C1orf54: variants seen among roughly 807,000 people sequenced by gnomAD.
C1orf54 encodes chromosome 1 open reading frame 54, also known as uncharacterized protein C1orf54.
In C1orf54, 12 loss-of-function variants were observed where a neutral mutation model predicts 14.7. That is an observed-to-expected ratio of 0.82 (90% CI 0.52 to 1.32). The LOEUF (loss-of-function observed/expected upper bound fraction) is 1.32, where lower values mean the gene tolerates loss of function less well. C1orf54 is among the 40% of genes most tolerant of loss of function. The pLI, the probability that C1orf54 is intolerant of heterozygous loss-of-function variation, is 0.00. For synonymous variants in C1orf54, 65 were observed against 56.3 expected (o/e 1.16, Z -0.70); for missense variants, 163 against 162.2 (o/e 1.00, Z -0.03).
intron 2 of C1orf54, 106 bp downstream of exon 2, chr1:150,274,276 GA>G: frequency 1.2e-6 from 1 of 833,822 alleles, no homozygotes; most frequent in African/African-American, 1.7e-5. Flanking sequence ...TGGGGTCAGA[GA>G]AAAATCTGGC....
Position 150,279,743 on chromosome 1 carries a change from T to TA in C1orf54, c.*3+4dup. On this transcript the variant is annotated splice_region_variant and intron_variant, in intron 5 of 5. Coordinates refer to ENST00000369099, the MANE Select transcript of C1orf54 (RefSeq NM_024579.4). ...GTGGGGATGTATTTCATGTAGAAGGTAAGAGTGCAGCCACTGGCTTTGGGG... is the reference window on the plus strand; with the variant it reads ...GTGGGGATGTATTTCATGTAGAAGGTAAAGAGTGCAGCCACTGGCTTTGGGG... 2 of 1,607,996 alleles carry TA rather than the reference T, an allele frequency of 1.2e-6. No individual in the cohort carries two copies. Among genetic ancestry groups the TA allele is most frequent in the Non-Finnish European group, 8.5e-7 (1 of 1,175,886 alleles).
chr1:150,275,580 A>G (rs1652583570), intron 2 of C1orf54, among the ~76,000 whole-genome samples, 161 bp from the exon 3 acceptor site: 1 of 152,146 alleles, frequency 6.6e-6, no homozygotes, highest in Admixed American at 6.5e-5. Flanking sequence ...AAATGCATAC[A>G]CATTCACAGT....
At chr1:150,268,861 G>A, upstream of C1orf54, 1 of 1,523,936 alleles carries the variant, frequency 6.6e-7, no homozygotes, top group Non-Finnish European at 9.0e-7. Flanking sequence ...CAGGCAAATG[G>A]GAGGGGCGCG....
Position 150,272,875 on chromosome 1 carries a change from C to A in C1orf54, c.46+12C>A. On this transcript the variant is annotated intron_variant, in intron 1 of 5. Transcript: ENST00000369099. ...GCCACTTATCCTGGGTAAGTCCACTCCTCTCTCTGAGCTTTTGTGCCAGGT... is the reference window on the plus strand; with the variant it reads ...GCCACTTATCCTGGGTAAGTCCACTACTCTCTCTGAGCTTTTGTGCCAGGT... The A allele has an allele frequency of 6.2e-7, 1 of 1,614,014 alleles. No individual in the cohort carries two copies. The highest frequency in any genetic ancestry group is 1.1e-5 in the South Asian group (1 of 91,076).
chr1:150,275,452 A>G (rs1652571304), intron 2 of C1orf54, among the ~76,000 whole-genome samples: 1 of 152,028 alleles, frequency 6.6e-6, no homozygotes, highest in African/African-American at 2.4e-5. Context: ...GCAGTGAGCT[A>G]TGATTGAACC....
In C1orf54 at chr1:150,274,187, C is replaced by A. The variant is rs782573769; in HGVS notation, c.130+17C>A. ...CCAGTTATGGTGAGTACATGAAAGG[C>A]TCTTGCCCTTAGCCAACTGGAGAGA... On this transcript the variant is annotated intron_variant, in intron 2 of 5. Transcript: ENST00000369099. 1.3e-6 allele frequency: 2 copies of A among 1,573,776 alleles called. No individual in the cohort carries two copies. The highest frequency in any genetic ancestry group is 1.7e-6 in the Non-Finnish European group (2 of 1,144,358).
At chr1:150,277,998 G>A (rs1212605374) in intron 4 of C1orf54, among the ~76,000 whole-genome samples, 1 of 152,216 alleles carries the variant, frequency 6.6e-6, no homozygotes, top group African/African-American at 2.4e-5. Flanking sequence ...CTGGGAGGCT[G>A]AGGCAGGAGA....
chr1:150,273,975 G>A (rs587766155), intron 1 of C1orf54, 112 bp from the exon 2 acceptor site: 5 of 711,700 alleles, frequency 7.0e-6, no homozygotes, highest in African/African-American at 5.3e-5. Flanking sequence ...GAGAGAGAGA[G>A]AGAAAAGAAA....
chr1:150,269,479 T>G (rs1464204916), upstream of C1orf54: 1 of 152,458 alleles, frequency 6.6e-6, no homozygotes, highest in Non-Finnish European at 1.5e-5. Context: ...GACAGACTAG[T>G]ATAATAAACA....
At chr1:150,273,749 T>C in intron 1 of C1orf54, among the ~76,000 whole-genome samples, 1 of 152,190 alleles carries the variant, frequency 6.6e-6, no homozygotes, top group Admixed American at 6.5e-5. Flanking sequence ...ATAGAAGACT[T>C]GGCGTTTTTA....
chr1:150,275,392 A>C (rs1181229232), intron 2 of C1orf54, among the ~76,000 whole-genome samples: 3 of 151,364 alleles, frequency 2.0e-5, no homozygotes, highest in African/African-American at 4.9e-5. Context: ...AGTCCCAGCT[A>C]CTCAGGAGGC....
At chr1:150,280,712 G>C (rs899949241) in intron 5 of C1orf54, 123 bp from the exon 6 acceptor site, 1 of 717,248 alleles carries the variant, frequency 1.4e-6, no homozygotes, top group African/African-American at 1.8e-5. Flanking sequence ...TCTTTCCCAG[G>C]AGCTATCACA....
At chr1:150,275,702 TTTTC>T in intron 2 of C1orf54, 35 bp from the exon 3 acceptor site, 1 of 1,524,222 alleles carries the variant, frequency 6.6e-7, no homozygotes, top group Non-Finnish European at 9.1e-7. Flanking sequence ...AGAGTTACAT[TTTTC>T]TTTAATTATT....
intron 2 of C1orf54, 74 bp from the exon 3 acceptor site, chr1:150,275,667 T>C: frequency 8.2e-7 from 1 of 1,214,818 alleles, no homozygotes; most frequent in South Asian, 1.3e-5. Flanking sequence ...TCTGAGTAAT[T>C]TCTTCCCTTT....
chr1:150,278,515 C>T lies in C1orf54; in HGVS notation c.301-1128C>T, dbSNP rs74126645. Among the ~76,000 whole-genome samples the T allele has an allele frequency of 5.5e-3, 844 of 152,222 alleles. 5 individuals carry two copies. The highest frequency in any genetic ancestry group is 0.019 in the African/African-American group (802 of 41,526). ...AGTCACAGATATGAAAGTAAATGAG[C>T]TCAACAGAGCCAGTACACACAAGCT... On this transcript the variant is annotated intron_variant, in intron 4 of 5. Transcript: ENST00000369099.
chr1:150,268,817 T>G, upstream of C1orf54: 1 of 1,609,558 alleles, frequency 6.2e-7, no homozygotes, highest in Non-Finnish European at 8.5e-7. Flanking sequence ...CCATGGCTGG[T>G]CAGGTGGGAA....
chr1:150,275,184 G>A (rs1372890263), intron 2 of C1orf54, among the ~76,000 whole-genome samples: 5 of 151,596 alleles, frequency 3.3e-5, no homozygotes, highest in African/African-American at 4.8e-5. Flanking sequence ...GACTACAGGC[G>A]TGTGCTACCA....
At chr1:150,272,156 G>A (rs1230749037), upstream of C1orf54, 1 of 152,048 alleles carries the variant, frequency 6.6e-6, no homozygotes, top group Non-Finnish European at 1.5e-5. Flanking sequence ...AAAACAAAGA[G>A]GTGAGGTGAG....
At chr1:150,268,867 G>A, upstream of C1orf54, 2 of 1,504,334 alleles carry the variant, frequency 1.3e-6, no homozygotes, top group Non-Finnish European at 1.8e-6. Flanking sequence ...AATGGGAGGG[G>A]CGCGCCAGCT....
Sources: allele counts gnomAD v4.1 joint callset (sites outside exome capture counted in the v4.1 genomes callset), GRCh38; gene constraint gnomAD v4.1.1; transcripts MANE v1.5; gene names NCBI Gene and HGNC (gene_info 2026-07-23, HGNC 2026-07-21).